The following WIPF1 variants were observed in gnomAD, a reference collection of about 807,000 sequenced individuals.
WIPF1 encodes the protein WAS/WASL-interacting protein family member 1.
In WIPF1, 13 loss-of-function variants were observed where a neutral mutation model predicts 35.4. That is an observed-to-expected ratio of 0.37 (90% confidence interval 0.24 to 0.58). WIPF1 has a LOEUF of 0.58. Ranked by LOEUF, WIPF1 falls within the 20% of genes least tolerant of loss-of-function variation. WIPF1 has a pLI of 0.74. For missense variants in WIPF1, 591 were observed against 667.0 expected, an observed-to-expected ratio of 0.89 and a Z score of 1.25; for synonymous variants, 267 against 266.3, an observed-to-expected ratio of 1.00 and a Z score of -0.02.
intron 1 of WIPF1, among the ~76,000 whole-genome samples, chr2:174,610,113 G>A (rs1325838743): frequency 6.6e-6 from 1 of 152,104 alleles, no homozygotes; most frequent in East Asian, 1.9e-4. Context: ...ACACTTTCGG[G>A]TTGCCTCGAT....
chr2:174,562,188 C>T lies in WIPF1; in HGVS notation c.*359G>A. 1 of 1,550,394 alleles carries T rather than the reference C, an allele frequency of 6.4e-7. No individual in the cohort carries two copies. The highest frequency in any genetic ancestry group is 8.7e-7 in the Non-Finnish European group (1 of 1,146,958). ...GAAAAAGGAACGGGAGAAAACAGCT[C>T]TCAGGGACTTTAATAATTACAGTCT... On this transcript the variant is annotated 3_prime_UTR_variant, in exon 8 of 8. Coordinates refer to ENST00000679041, the MANE Select transcript of WIPF1 (RefSeq NM_001375834.1).
chr2:174,580,567 T>G (rs747108955), intron 3 of WIPF1, among the ~76,000 whole-genome samples: 1 of 152,224 alleles, frequency 6.6e-6, no homozygotes, highest in Non-Finnish European at 1.5e-5. Context: ...CTAGGATGAA[T>G]CTTGGGGACA....
chr2:174,609,295 C>T (rs933701301), intron 1 of WIPF1, among the ~76,000 whole-genome samples: 2 of 152,190 alleles, frequency 1.3e-5, no homozygotes, highest in Non-Finnish European at 2.9e-5. Context: ...TACATAAACT[C>T]AAAATAGTTA....
chr2:174,672,176 T>C (rs1688031707), intron 1 of WIPF1, among the ~76,000 whole-genome samples: 2 of 152,346 alleles, frequency 1.3e-5, no homozygotes, highest in African/African-American at 4.8e-5. Flanking sequence ...TAATGTTTAA[T>C]TATCAGGGGC....
At chr2:174,658,005 C>T (rs112553534) in intron 1 of WIPF1, among the ~76,000 whole-genome samples, 5,752 of 151,590 alleles carry the variant, frequency 0.038, 187 homozygotes, top group African/African-American at 0.082. Context: ...GATGCCCCCT[C>T]GGATGTTCCC....
intron 1 of WIPF1, among the ~76,000 whole-genome samples, chr2:174,664,995 A>T (rs1687859742): frequency 6.6e-6 from 1 of 152,168 alleles, no homozygotes; most frequent in Admixed American, 6.5e-5. Flanking sequence ...AACATTAATA[A>T]TATTATATTA....
chr2:174,678,979 T>C (rs897683536), intron 1 of WIPF1, among the ~76,000 whole-genome samples: 2 of 152,208 alleles, frequency 1.3e-5, no homozygotes, highest in African/African-American at 4.8e-5. Context: ...GGTATTTACC[T>C]ATGGAGAAAG....
At chr2:174,674,237 T>C (rs530033975) in intron 1 of WIPF1, among the ~76,000 whole-genome samples, 113 of 152,358 alleles carry the variant, frequency 7.4e-4, no homozygotes, top group Non-Finnish European at 1.2e-3. Context: ...CTATCTGCTA[T>C]GATTCACTTT....
intron 1 of WIPF1, among the ~76,000 whole-genome samples, chr2:174,634,864 G>A (rs1391752651): frequency 2.0e-5 from 3 of 152,146 alleles, no homozygotes; most frequent in African/African-American, 7.2e-5. Context: ...TGAGCCCCAG[G>A]GTCACCTATC....
chr2:174,644,662 A>G (rs79527400), intron 1 of WIPF1, among the ~76,000 whole-genome samples: 2,009 of 152,228 alleles, frequency 0.013, 38 homozygotes, highest in African/African-American at 0.045. Flanking sequence ...ATTTCCAGTC[A>G]CTAAAAGCCA....
chr2:174,631,076 G>A lies in WIPF1; in HGVS notation c.-38-45465C>T, dbSNP rs368548095. On this transcript the variant is annotated intron_variant, in intron 1 of 8. Coordinates refer to the WIPF1 transcript ENST00000272746. Reference sequence around the variant, plus strand: ...CACAATTGCTGGATAATTCTCAGAAGCCAAACATAGAATTACCTATGATTC... The same window carrying A: ...CACAATTGCTGGATAATTCTCAGAAACCAAACATAGAATTACCTATGATTC... 4.5e-4 allele frequency among the ~76,000 whole-genome samples: 69 copies of A among 152,284 alleles called. 2 individuals carry two copies. The highest frequency in any genetic ancestry group is 1.6e-3 in the African/African-American group (65 of 41,566).
intron 1 of WIPF1, among the ~76,000 whole-genome samples, chr2:174,651,070 GC>G (rs1687524268): frequency 6.6e-6 from 1 of 152,194 alleles, no homozygotes. Flanking sequence ...GAAGAGATCT[GC>G]CCTGTGATCT....
At chr2:174,617,737 AC>A (rs1686553270) in intron 1 of WIPF1, among the ~76,000 whole-genome samples, 1 of 152,194 alleles carries the variant, frequency 6.6e-6, no homozygotes, top group South Asian at 2.1e-4. Flanking sequence ...CAAAGGTCTC[AC>A]CCAGCCATAG....
At chr2:174,592,405 T>A (rs575849974) in intron 1 of WIPF1, among the ~76,000 whole-genome samples, 347 of 151,932 alleles carry the variant, frequency 2.3e-3, no homozygotes, top group Non-Finnish European at 4.0e-3. Flanking sequence ...TTGCTAAAAG[T>A]AACCCTTAAA....
chr2:174,677,216 G>A (rs1279583868), intron 1 of WIPF1: 1 of 151,768 alleles, frequency 6.6e-6, no homozygotes, highest in African/African-American at 2.4e-5. Flanking sequence ...GATCAAATTT[G>A]TTTCTTGGCA....
chr2:174,657,523 A>C (rs1174119176), intron 1 of WIPF1, among the ~76,000 whole-genome samples: 2 of 152,216 alleles, frequency 1.3e-5, no homozygotes, highest in Non-Finnish European at 1.5e-5. Context: ...TGCAGCATTA[A>C]TGTCGATGTC....
intron 1 of WIPF1, among the ~76,000 whole-genome samples, chr2:174,631,984 G>A (rs1196663419): frequency 6.6e-6 from 1 of 152,168 alleles, no homozygotes; most frequent in Admixed American, 6.5e-5. Flanking sequence ...TGTGAAGTTA[G>A]CCTCATTCCT....
chr2:174,570,976 T>C lies in WIPF1; in HGVS notation c.1129+700A>G, dbSNP rs1684813088. Among the ~76,000 whole-genome samples the C allele has an allele frequency of 2.6e-5, 4 of 152,306 alleles. No individual in the cohort carries two copies. The South Asian group carries it at 8.3e-4, about 32-fold the overall frequency. On this transcript the variant is annotated intron_variant, in intron 5 of 7. Coordinates refer to ENST00000679041, the MANE Select transcript of WIPF1 (RefSeq NM_001375834.1). ...TTTCCTTTCATACTCTGAAAGTTTG[T>C]CCCTCAGATCAAGGTTTCTCAACTG...
At chr2:174,621,656 A>G (rs555523363) in intron 1 of WIPF1, among the ~76,000 whole-genome samples, 1 of 152,336 alleles carries the variant, frequency 6.6e-6, no homozygotes, top group South Asian at 2.1e-4. Flanking sequence ...GGTGACATTA[A>G]TTTTAAGAAT....
Sources: allele counts gnomAD v4.1 joint callset (sites outside exome capture counted in the v4.1 genomes callset), GRCh38; gene constraint gnomAD v4.1.1; transcripts MANE v1.5; gene names NCBI Gene and HGNC (gene_info 2026-07-23, HGNC 2026-07-21).